PCDH9: variants seen among roughly 807,000 people sequenced by gnomAD.
PCDH9 encodes the protein protocadherin 9.
Under a neutral mutation model 70.6 loss-of-function variants are expected in PCDH9, and 24 were observed. The observed-to-expected ratio is 0.34, with a 90% CI of 0.25 to 0.48. The LOEUF (loss-of-function observed/expected upper bound fraction) is 0.48, where lower values mean the gene tolerates loss of function less well. PCDH9 is among the 20% of genes least tolerant of loss of function. The pLI is 0.99. For synonymous variants in PCDH9, 562 were observed against 558.5 expected, an observed-to-expected ratio of 1.01 and a Z score of -0.09; for missense variants, 1,281 against 1,503.6, an observed-to-expected ratio of 0.85 and a Z score of 2.45.
intron 2 of PCDH9, among the ~76,000 whole-genome samples, chr13:67,004,564 A>AAG (rs2084311648): frequency 1.3e-5 from 2 of 148,200 alleles, no homozygotes. Flanking sequence ...AAAAAAAAAA[A>AAG]AAAGAAAGAA....
At chr13:66,808,248 T>C (rs1276197833) in intron 3 of PCDH9, among the ~76,000 whole-genome samples, 1 of 152,156 alleles carries the variant, frequency 6.6e-6, no homozygotes, top group Non-Finnish European at 1.5e-5. Flanking sequence ...CTTTCTGTTA[T>C]TGAAGGAAAG....
At chr13:67,145,199 T>C (rs2138369629) in intron 2 of PCDH9, among the ~76,000 whole-genome samples, 1 of 152,218 alleles carries the variant, frequency 6.6e-6, no homozygotes, top group South Asian at 2.1e-4. Flanking sequence ...ACATTTTTCA[T>C]GATAAGAGTC....
chr13:66,475,717 C>A (rs981496964), intron 4 of PCDH9, among the ~76,000 whole-genome samples: 7 of 152,042 alleles, frequency 4.6e-5, no homozygotes, highest in Non-Finnish European at 7.4e-5. Context: ...AGAAGAGAAT[C>A]ATATTTAGCT....
chr13:66,749,488 G>T (rs183639688), intron 3 of PCDH9, among the ~76,000 whole-genome samples: 48 of 152,166 alleles, frequency 3.2e-4, no homozygotes, highest in African/African-American at 1.1e-3. Context: ...ACCTGAATTT[G>T]CACAGGAGAA....
intron 4 of PCDH9, among the ~76,000 whole-genome samples, chr13:66,618,355 T>C (rs921139741): frequency 1.3e-5 from 2 of 152,202 alleles, no homozygotes; most frequent in Non-Finnish European, 2.9e-5. Flanking sequence ...GCCACACTAA[T>C]ATGCGTAATT....
At chr13:66,724,355 A>T (rs2078978767) in intron 3 of PCDH9, among the ~76,000 whole-genome samples, 1 of 152,244 alleles carries the variant, frequency 6.6e-6, no homozygotes, top group Admixed American at 6.5e-5. Context: ...GGCCACTAGC[A>T]GTCAGGAAAA....
intron 2 of PCDH9, among the ~76,000 whole-genome samples, chr13:67,174,550 A>G (rs1268924421): frequency 6.6e-6 from 1 of 152,158 alleles, no homozygotes; most frequent in Non-Finnish European, 1.5e-5. Flanking sequence ...AGATAAGATT[A>G]TGTGTGGGAG....
At chr13:66,605,171 G>C (rs1420966340) in intron 4 of PCDH9, among the ~76,000 whole-genome samples, 1 of 152,008 alleles carries the variant, frequency 6.6e-6, no homozygotes, top group Non-Finnish European at 1.5e-5. Flanking sequence ...ATGAACTGAA[G>C]TTGTTGGTAG....
intron 2 of PCDH9, among the ~76,000 whole-genome samples, chr13:67,157,103 C>T (rs181265403): frequency 2.2e-4 from 33 of 152,246 alleles, no homozygotes; most frequent in Admixed American, 5.9e-4. Flanking sequence ...CCCTGTATCC[C>T]TGATGCTTCG....
At chr13:66,580,165 C>A (rs1466126571) in intron 4 of PCDH9, among the ~76,000 whole-genome samples, 1 of 151,954 alleles carries the variant, frequency 6.6e-6, no homozygotes, top group East Asian at 1.9e-4. Flanking sequence ...TATCTGTATA[C>A]AAACTTTGTA....
chr13:66,582,996 C>T (rs1199064176), intron 4 of PCDH9, among the ~76,000 whole-genome samples: 9 of 151,942 alleles, frequency 5.9e-5, no homozygotes, highest in Non-Finnish European at 1.2e-4. Flanking sequence ...TTATCTGAAC[C>T]CCTCTACCAC....
chr13:67,206,934 G>T (rs572296990), intron 2 of PCDH9: 1 of 152,236 alleles, frequency 6.6e-6, no homozygotes, highest in African/African-American at 2.4e-5. Flanking sequence ...GCTTTGAGAT[G>T]AGCAAATTTA....
At chr13:66,579,653 G>C (rs941649685) in intron 4 of PCDH9, among the ~76,000 whole-genome samples, 2 of 152,004 alleles carry the variant, frequency 1.3e-5, no homozygotes, top group Non-Finnish European at 2.9e-5. Flanking sequence ...AGTTAGATTA[G>C]ACATATGTAT....
chr13:66,764,912 A>G (rs943062428), intron 3 of PCDH9, among the ~76,000 whole-genome samples: 1 of 152,110 alleles, frequency 6.6e-6, no homozygotes, highest in Non-Finnish European at 1.5e-5. Context: ...AGAAATTCAT[A>G]GAAAAAAATT....
intron 4 of PCDH9, among the ~76,000 whole-genome samples, chr13:66,345,780 C>T (rs868194887): frequency 1.3e-5 from 2 of 152,052 alleles, no homozygotes; most frequent in African/African-American, 4.8e-5. Flanking sequence ...GCGTACCCTG[C>T]GTATGAGCTA....
intron 2 of PCDH9, among the ~76,000 whole-genome samples, chr13:66,980,420 T>A (rs540265936): frequency 1.3e-5 from 2 of 152,310 alleles, no homozygotes; most frequent in Admixed American, 1.3e-4. Flanking sequence ...GTTTTTCATC[T>A]AAAATCAGAT....
intron 4 of PCDH9, among the ~76,000 whole-genome samples, chr13:66,587,568 T>C (rs914421323): frequency 6.6e-6 from 1 of 151,966 alleles, no homozygotes. Context: ...AGAACATCAA[T>C]GTCTGTTTTC....
intron 2 of PCDH9, among the ~76,000 whole-genome samples, chr13:67,196,633 A>C (rs912636495): frequency 6.6e-6 from 1 of 152,124 alleles, no homozygotes; most frequent in Non-Finnish European, 1.5e-5. Flanking sequence ...TACGTGTTCC[A>C]AAAATGAATA....
intron 2 of PCDH9, among the ~76,000 whole-genome samples, chr13:67,196,299 G>C (rs2089064195): frequency 6.6e-6 from 1 of 152,084 alleles, no homozygotes; most frequent in Non-Finnish European, 1.5e-5. Context: ...AAGAGGAATT[G>C]TAATTGAGAG....
Sources: allele counts gnomAD v4.1 joint callset (sites outside exome capture counted in the v4.1 genomes callset), GRCh38; gene constraint gnomAD v4.1.1; transcripts MANE v1.5; gene names NCBI Gene and HGNC (gene_info 2026-07-23, HGNC 2026-07-21).